The following C3orf85 variants were observed in gnomAD, a reference collection of about 807,000 sequenced individuals.
C3orf85 encodes the protein chromosome 3 open reading frame 85, also known as uncharacterized protein C3orf85.
C3orf85 carries 1 observed loss-of-function variant against 1.7 expected under a neutral mutation model. The ratio of observed to expected loss-of-function variants is 0.60; its 90% CI spans 0.21 to 2.86. C3orf85 has a LOEUF of 2.86. Ranked by LOEUF, C3orf85 falls within the 30% of genes most tolerant of loss-of-function variation. The probability of loss-of-function intolerance (pLI) is 0.22; values close to 1 mark genes in which losing one functional copy is unlikely to be tolerated. For missense variants in C3orf85, 29 were observed against 21.3 expected (o/e 1.36, Z -0.72); for synonymous variants, 17 against 8.0 (o/e 2.13, Z -1.90).
intron 2 of C3orf85, among the ~76,000 whole-genome samples, chr3:109,144,976 C>G (rs1466626900): frequency 1.3e-5 from 2 of 152,068 alleles, no homozygotes; most frequent in Non-Finnish European, 2.9e-5. Context: ...GAAAAGTGAC[C>G]CATTAGTGCA....
intron 2 of C3orf85, among the ~76,000 whole-genome samples, chr3:109,144,235 T>C (rs1168155927): frequency 6.6e-6 from 1 of 152,142 alleles, no homozygotes; most frequent in Non-Finnish European, 1.5e-5. Context: ...ACTTTCAAGG[T>C]TGATCAGGCA....
rs1706848750 is a variant in C3orf85, at chr3:109,149,854, A to G, written c.233A>G (p.Asp78Gly). ...ALKTTAQYYL[D>G]MNTFTFDMST... is the part of the protein sequence containing the mutation. ...AAAACAACAGCACAGTATTATTTGG[A>G]TATGAATACCTTCACCTTTGACATG... The change falls in exon 4 of 4, where the codon GAT becomes GGT. Residue 78 changes from aspartate to glycine, a missense_variant. Asp to Gly is a moderately conservative substitution (Grantham distance 94). Coordinates refer to ENST00000622536, the MANE Select transcript of C3orf85 (RefSeq NM_001351622.2). The G allele has an allele frequency of 2.5e-6, 1 of 398,452 alleles. No homozygotes were observed. Among genetic ancestry groups the G allele is most frequent in the African/African-American group, 2.1e-5 (1 of 48,616 alleles). The allele number at this position is 398,452 out of a possible 1,614,324, so 24.7% of individuals were successfully genotyped here. A position where few individuals can be genotyped will look rare whatever the true frequency, so the allele number is the denominator to read the frequency against.
chr3:109,144,701 G>A (rs1706777110), intron 2 of C3orf85, among the ~76,000 whole-genome samples: 2 of 152,052 alleles, frequency 1.3e-5, no homozygotes, highest in Non-Finnish European at 2.9e-5. Flanking sequence ...GGATGACTAT[G>A]GTACAGAATT....
At chr3:109,145,434 T>C (rs1366926577) in intron 2 of C3orf85, among the ~76,000 whole-genome samples, 1 of 152,078 alleles carries the variant, frequency 6.6e-6, no homozygotes, top group Admixed American at 6.6e-5. Context: ...GGCAAATTCA[T>C]AGGAAAAGAA....
At chr3:109,149,725 C>T (rs1706847174) in intron 3 of C3orf85, 80 bp from the exon 4 acceptor site, 1 of 396,586 alleles carries the variant, frequency 2.5e-6, no homozygotes, top group Non-Finnish European at 4.5e-6. Context: ...TTAGGAATAT[C>T]TGTATGATAA....
intron 2 of C3orf85, among the ~76,000 whole-genome samples, chr3:109,137,637 G>GTGTATATATATATATATATA (rs751674362): frequency 8.8e-5 from 7 of 79,902 alleles, no homozygotes; most frequent in East Asian, 4.4e-4. Flanking sequence ...GTGTGTGTGT[G>GTGTATATATATATATATATA]TATATATATA....
Position 109,150,456 on chromosome 3 carries a change from A to G in C3orf85, c.*562A>G, listed in dbSNP as rs1706857481. 1 of 152,224 alleles carries G rather than the reference A, an allele frequency of 6.6e-6. No homozygotes were observed. Among genetic ancestry groups the G allele is most frequent in the Non-Finnish European group, 1.5e-5 (1 of 68,032 alleles). 9.4% of individuals were successfully genotyped at this position (152,224 alleles called of 1,614,324 possible). A position where few individuals can be genotyped will look rare whatever the true frequency, so the allele number is the denominator to read the frequency against. ...CAAGTAGATAGTGGCTAGGAACTCA[A>G]TGGAAGTCATTCACTTGTAAGTGCA... is the stretch of plus-strand genomic sequence containing the variant. On this transcript the variant is annotated 3_prime_UTR_variant, in exon 4 of 4. Transcript: ENST00000622536.
chr3:109,139,771 G>A (rs369022369), intron 2 of C3orf85, among the ~76,000 whole-genome samples: 1 of 152,170 alleles, frequency 6.6e-6, no homozygotes, highest in African/African-American at 2.4e-5. Context: ...TCCATAAAGT[G>A]CAAGTATGTC....
chr3:109,149,112 G>A (rs1292802478), intron 3 of C3orf85: 1 of 152,152 alleles, frequency 6.6e-6, no homozygotes, highest in East Asian at 1.9e-4. Context: ...AATTATTCAT[G>A]ATCTCCCTCT....
chr3:109,145,411 G>A (rs941596769), intron 2 of C3orf85, among the ~76,000 whole-genome samples: 15 of 152,130 alleles, frequency 9.9e-5, no homozygotes, highest in African/African-American at 2.9e-4. Flanking sequence ...ACTTACATGT[G>A]GTGCCTAGAA....
At chr3:109,147,731 A>G (rs1445218460) in intron 2 of C3orf85, among the ~76,000 whole-genome samples, 1 of 152,110 alleles carries the variant, frequency 6.6e-6, no homozygotes, top group African/African-American at 2.4e-5. Context: ...CCACAGTGTC[A>G]GGTTTGGGAG....
At chr3:109,141,200 T>C (rs1360009295) in intron 2 of C3orf85, among the ~76,000 whole-genome samples, 1 of 152,160 alleles carries the variant, frequency 6.6e-6, no homozygotes, top group Non-Finnish European at 1.5e-5. Flanking sequence ...TTGCCCATTC[T>C]GGTCTCAAAC....
At chr3:109,149,711 T>A (rs1038683646) in intron 3 of C3orf85, 94 bp from the exon 4 acceptor site, 11 of 395,392 alleles carry the variant, frequency 2.8e-5, no homozygotes, top group African/African-American at 4.1e-5. Context: ...ATTTTTCTCA[T>A]CTTTTAGGAA....
intron 2 of C3orf85, 122 bp from the exon 3 acceptor site, chr3:109,148,131 C>G: frequency 1.6e-6 from 1 of 606,784 alleles, no homozygotes; most frequent in South Asian, 2.0e-5. Context: ...CTTAGCTTTT[C>G]CAGAGTTTCC....
chr3:109,138,704 C>A (rs974583214), intron 2 of C3orf85, among the ~76,000 whole-genome samples: 5 of 152,076 alleles, frequency 3.3e-5, no homozygotes, highest in South Asian at 2.1e-4. Context: ...AGGCCAAAAA[C>A]AATGAAAGGC....
rs1453738085 is a variant in C3orf85, at chr3:109,148,299, C to T, written c.96C>T (p.Phe32=). 7 of 702,668 alleles carry T rather than the reference C, an allele frequency of 1.0e-5. No individual in the cohort carries two copies. In the Admixed American group the frequency reaches 1.4e-4, roughly 14 times the overall value. The allele number at this position is 702,668 out of a possible 1,614,324, so 43.5% of individuals were successfully genotyped here. A position where few individuals can be genotyped will look rare whatever the true frequency, so the allele number is the denominator to read the frequency against. Residue 32 remains phenylalanine, a synonymous_variant, in exon 3 of 4, where the codon TTC becomes TTT. Coordinates refer to ENST00000622536, the MANE Select transcript of C3orf85 (RefSeq NM_001351622.2). The part of the protein sequence containing the change: ...PFLLEDPANQ[F]LRLKRHVNLQ... Reference sequence around the variant, plus strand: ...TGTTGGAAGACCCTGCAAACCAGTTCCTACGTCTCAAAAGACATGTAAATT... The same window carrying T: ...TGTTGGAAGACCCTGCAAACCAGTTTCTACGTCTCAAAAGACATGTAAATT...
chr3:109,149,371 A>G (rs1706842163), intron 3 of C3orf85: 1 of 152,260 alleles, frequency 6.6e-6, no homozygotes, highest in Non-Finnish European at 1.5e-5. Flanking sequence ...TACTAACTGA[A>G]TAATGCATCC....
intron 2 of C3orf85, among the ~76,000 whole-genome samples, chr3:109,137,937 T>C (rs1706698792): frequency 6.6e-6 from 1 of 152,040 alleles, no homozygotes; most frequent in South Asian, 2.1e-4. Context: ...AACTCACCAG[T>C]GTAATGCTTT....
intron 2 of C3orf85, among the ~76,000 whole-genome samples, chr3:109,144,566 G>A (rs1209394161): frequency 6.6e-6 from 1 of 152,086 alleles, no homozygotes; most frequent in East Asian, 1.9e-4. Context: ...GAACCAAAAG[G>A]TAAAAGACTT....
Sources: gnomAD v4.1 joint callset for allele counts (sites outside exome capture counted in the v4.1 genomes callset) on GRCh38, gnomAD v4.1.1 for gene constraint, MANE v1.5 for transcripts, NCBI Gene and HGNC (gene_info 2026-07-23, HGNC 2026-07-21) for gene names.